The following STK33 variants were observed in gnomAD, a reference collection of about 807,000 sequenced individuals.
STK33 encodes serine/threonine-protein kinase 33.
Under a neutral mutation model 58.0 loss-of-function variants are expected in STK33, and 52 were observed. The observed-to-expected ratio is 0.90, with a 90% confidence interval of 0.72 to 1.13. STK33 has a LOEUF of 1.13. STK33 is among the 50% of genes most tolerant of loss of function. STK33 has a pLI of 0.00. For missense variants in STK33, 630 were observed against 604.2 expected, an observed-to-expected ratio of 1.04 and a Z score of -0.45; for synonymous variants, 215 against 200.1, an observed-to-expected ratio of 1.07 and a Z score of -0.63.
At chr11:8,419,991 T>C (rs544982148) in intron 14 of STK33, among the ~76,000 whole-genome samples, 2 of 152,214 alleles carry the variant, frequency 1.3e-5, no homozygotes, top group East Asian at 1.9e-4. Context: ...TTTTTGTTGT[T>C]GTAGAGGAGT....
At chr11:8,421,794 A>T (rs1225010194) in intron 14 of STK33, among the ~76,000 whole-genome samples, 1 of 152,102 alleles carries the variant, frequency 6.6e-6, no homozygotes, top group Non-Finnish European at 1.5e-5. Context: ...ATCTTATGTC[A>T]TGTTTATTAC....
At chr11:8,466,557 G>A (rs536552572) in intron 6 of STK33, 1 of 152,358 alleles carries the variant, frequency 6.6e-6, no homozygotes, top group East Asian at 1.9e-4. Flanking sequence ...CTGTAGCTTT[G>A]CAAGGTACAG....
chr11:8,523,510 T>A (rs1055806586), intron 1 of STK33, among the ~76,000 whole-genome samples: 1 of 146,892 alleles, frequency 6.8e-6, no homozygotes, highest in Non-Finnish European at 1.5e-5. Flanking sequence ...GAGGAGCCCC[T>A]CCGCTGGGCA....
intron 14 of STK33, among the ~76,000 whole-genome samples, chr11:8,423,815 AT>A (rs1942301696): frequency 6.6e-6 from 1 of 152,048 alleles, no homozygotes; most frequent in African/African-American, 2.4e-5. Context: ...TCCTACTATA[AT>A]GGATTTGCCA....
chr11:8,440,759 A>T lies in STK33; in HGVS notation c.872-6T>A. 1 of 1,558,182 alleles carries T rather than the reference A, an allele frequency of 6.4e-7. No homozygotes were observed. The highest frequency in any genetic ancestry group is 2.4e-5 in the East Asian group (1 of 42,274). On this transcript the variant is annotated splice_polypyrimidine_tract_variant and splice_region_variant and intron_variant, in intron 11 of 15. Transcript: ENST00000687296. Reference sequence around the variant, plus strand: ...GGCACTGATAACTTCAGGGGCTGCCAAACAAGCAGATATAAAATAACATTA... The same window carrying T: ...GGCACTGATAACTTCAGGGGCTGCCTAACAAGCAGATATAAAATAACATTA...
At chr11:8,424,099 T>C (rs1444625323) in intron 14 of STK33, among the ~76,000 whole-genome samples, 2 of 151,870 alleles carry the variant, frequency 1.3e-5, no homozygotes, top group African/African-American at 2.4e-5. Context: ...TAACTCATCA[T>C]TTAACATTAG....
At chr11:8,505,792 A>AT (rs1161260269) in intron 1 of STK33, among the ~76,000 whole-genome samples, 3 of 152,242 alleles carry the variant, frequency 2.0e-5, no homozygotes. Context: ...GAAGGAAGGA[A>AT]TGAATGAATT....
chr11:8,592,750 C>T (rs1262861331), intron 1 of STK33, among the ~76,000 whole-genome samples: 1 of 152,032 alleles, frequency 6.6e-6, no homozygotes, highest in Non-Finnish European at 1.5e-5. Flanking sequence ...ACTTTTTGGC[C>T]ACATTAAGAG....
At chr11:8,403,489 C>T (rs988217084) in intron 15 of STK33, among the ~76,000 whole-genome samples, 1 of 152,148 alleles carries the variant, frequency 6.6e-6, no homozygotes. Context: ...AGGCATATTT[C>T]AGCACTGTGG....
the STK33 span, among the ~76,000 whole-genome samples, chr11:8,383,433 C>T: frequency 2.0e-5 from 3 of 152,158 alleles, no homozygotes; most frequent in Non-Finnish European, 4.4e-5. Context: ...ACCCCAGGAA[C>T]GTGTCATCAG....
At chr11:8,502,198 A>G (rs1252764499) in intron 1 of STK33, among the ~76,000 whole-genome samples, 1 of 152,136 alleles carries the variant, frequency 6.6e-6, no homozygotes, top group African/African-American at 2.4e-5. Context: ...AAATTTGCCA[A>G]AATTAATTTA....
intron 3 of STK33, 122 bp downstream of exon 3, chr11:8,477,128 G>T: frequency 7.7e-6 from 1 of 129,130 alleles, no homozygotes; most frequent in Non-Finnish European, 1.6e-5. Flanking sequence ...TGCAACTGAT[G>T]CCACTCAAAA....
At chr11:8,377,445 A>G in the STK33 span, among the ~76,000 whole-genome samples, 1 of 152,216 alleles carries the variant, frequency 6.6e-6, no homozygotes, top group Non-Finnish European at 1.5e-5. Flanking sequence ...AACTCTCAAC[A>G]AACTAGCCAT....
At chr11:8,367,205 G>A in the STK33 span, among the ~76,000 whole-genome samples, 1 of 152,218 alleles carries the variant, frequency 6.6e-6, no homozygotes, top group Non-Finnish European at 1.5e-5. Context: ...ACAATGGAGG[G>A]CTTATATCTG....
intron 15 of STK33, among the ~76,000 whole-genome samples, chr11:8,409,755 C>T (rs1007976229): frequency 5.3e-5 from 8 of 152,220 alleles, no homozygotes; most frequent in Admixed American, 1.3e-4. Context: ...ATTCTATATA[C>T]ATTTTTAGTA....
At chr11:8,510,535 G>A (rs917809914) in intron 1 of STK33, among the ~76,000 whole-genome samples, 6 of 151,974 alleles carry the variant, frequency 3.9e-5, no homozygotes, top group South Asian at 2.1e-4. Context: ...TTTTGTTCTC[G>A]TTGCGTTTGC....
intron 8 of STK33, among the ~76,000 whole-genome samples, chr11:8,460,667 A>C (rs1231269285): frequency 1.3e-5 from 2 of 152,126 alleles, no homozygotes; most frequent in Non-Finnish European, 2.9e-5. Flanking sequence ...CCATAAACTC[A>C]CAAGTCCATG....
chr11:8,454,759 T>C lies in STK33; in HGVS notation c.771A>G (p.Ile257Met), dbSNP rs1946650080. Reference protein sequence around the residue: ...KSSLIDDNNEINLNIKVTDFG... With the variant: ...KSSLIDDNNEMNLNIKVTDFG... ...CTAATCTTACCTTTATGTTTAAGTT[T>C]ATTTCATTGTTATCATCAATAAGAC... Residue 257 changes from isoleucine to methionine, a missense_variant, in exon 10 of 16, where the codon ATA (isoleucine) becomes ATG (methionine). Transcript: ENST00000687296. The C allele has an allele frequency of 1.3e-6, 2 of 1,578,814 alleles. No homozygotes were observed. The highest frequency in any genetic ancestry group is 1.7e-6 in the Non-Finnish European group (2 of 1,160,392).
chr11:8,386,053 G>A, the STK33 span, among the ~76,000 whole-genome samples: 128 of 152,104 alleles, frequency 8.4e-4, no homozygotes, highest in African/African-American at 2.9e-3. Flanking sequence ...GATTACAGGC[G>A]TGAGCCACCG....
Sources: gnomAD v4.1 joint callset for allele counts (sites outside exome capture counted in the v4.1 genomes callset) on GRCh38, gnomAD v4.1.1 for gene constraint, MANE v1.5 for transcripts, NCBI Gene and HGNC (gene_info 2026-07-23, HGNC 2026-07-21) for gene names.